IMMP2L: variants seen among roughly 807,000 people sequenced by gnomAD.
The protein encoded by IMMP2L is mitochondrial inner membrane protease subunit 2.
A neutral mutation model predicts 19.3 loss-of-function variants in IMMP2L; 18 were observed. The ratio of observed to expected loss-of-function variants is 0.93; its 90% CI spans 0.64 to 1.38. The LOEUF is 1.38. IMMP2L is among the 40% of genes most tolerant of loss of function. The pLI is 0.00. For synonymous variants in IMMP2L, 76 were observed against 73.0 expected, an observed-to-expected ratio of 1.04 and a Z score of -0.21; for missense variants, 233 against 218.2, an observed-to-expected ratio of 1.07 and a Z score of -0.43.
At chr7:111,007,382 C>G (rs1437687267) in intron 3 of IMMP2L, among the ~76,000 whole-genome samples, 5 of 152,080 alleles carry the variant, frequency 3.3e-5, no homozygotes, top group Non-Finnish European at 7.4e-5. Flanking sequence ...ACCATTCCAT[C>G]AGAATTGCTA....
At chr7:110,819,841 C>T (rs1802865865) in intron 5 of IMMP2L, among the ~76,000 whole-genome samples, 1 of 151,700 alleles carries the variant, frequency 6.6e-6, no homozygotes, top group Admixed American at 6.6e-5. Context: ...TATTGATTTC[C>T]ATGGTGTGTG....
At chr7:111,048,399 T>G (rs1792661614) in intron 3 of IMMP2L, among the ~76,000 whole-genome samples, 1 of 152,162 alleles carries the variant, frequency 6.6e-6, no homozygotes, top group Admixed American at 6.5e-5. Context: ...CTGGGCCTGC[T>G]TGGCTCGGTT....
intron 5 of IMMP2L, among the ~76,000 whole-genome samples, chr7:110,763,415 T>C (rs1296250632): frequency 1.3e-5 from 2 of 152,120 alleles, no homozygotes; most frequent in Admixed American, 6.6e-5. Flanking sequence ...AGCAAAGCCC[T>C]ACGGTGGGCA....
intron 3 of IMMP2L, among the ~76,000 whole-genome samples, chr7:111,137,602 T>A (rs2129596658): frequency 6.6e-6 from 1 of 152,232 alleles, no homozygotes; most frequent in African/African-American, 2.4e-5. Flanking sequence ...TAATTTGATT[T>A]GAGGAATAAA....
intron 3 of IMMP2L, chr7:111,392,128 T>C: frequency 1.6e-6 from 1 of 620,524 alleles, no homozygotes. Flanking sequence ...AAGGAGGACC[T>C]CAGACAACAA....
chr7:111,466,517 T>C (rs1840681970), intron 3 of IMMP2L, among the ~76,000 whole-genome samples: 1 of 152,134 alleles, frequency 6.6e-6, no homozygotes, highest in African/African-American at 2.4e-5. Context: ...AGCAGAAATA[T>C]ACCTCAGTTA....
chr7:111,354,003 T>C (rs1828446530), intron 3 of IMMP2L, among the ~76,000 whole-genome samples: 1 of 152,016 alleles, frequency 6.6e-6, no homozygotes, highest in African/African-American at 2.4e-5. Context: ...GACATATAAT[T>C]GAAGTGGTAA....
At chr7:111,448,975 C>G (rs1168198660) in intron 3 of IMMP2L, among the ~76,000 whole-genome samples, 1 of 149,984 alleles carries the variant, frequency 6.7e-6, no homozygotes, top group African/African-American at 2.5e-5. Flanking sequence ...TGGATACATT[C>G]CTCGACACAT....
Position 111,123,903 on chromosome 7 carries a change from T to C in IMMP2L, c.240-160338A>G, listed in dbSNP as rs143646592. 770 of 1,613,956 alleles carry C rather than the reference T, an allele frequency of 4.8e-4. 3 individuals are homozygous for C. The African/African-American group carries it at 8.7e-3, about 18-fold the overall frequency. On this transcript the variant is annotated intron_variant, in intron 3 of 5. Coordinates refer to ENST00000405709, the MANE Select transcript of IMMP2L (RefSeq NM_032549.4). This position sits in a 1 kb window ranked among gnomAD's most constrained non-coding sequence, Gnocchi z 6.4. ...CCATCAGGTGTGACTGTGTCATCCG[T>C]TGGATGAACATGAACAAAACCAACA...
At chr7:110,907,914 C>T (rs1812643325) in intron 4 of IMMP2L, among the ~76,000 whole-genome samples, 1 of 152,056 alleles carries the variant, frequency 6.6e-6, no homozygotes, top group South Asian at 2.1e-4. Flanking sequence ...CCAGGGTGAA[C>T]AGGTAGAAGT....
intron 3 of IMMP2L, among the ~76,000 whole-genome samples, chr7:111,060,444 T>C (rs1793916944): frequency 6.6e-6 from 1 of 152,198 alleles, no homozygotes; most frequent in South Asian, 2.1e-4. Flanking sequence ...CCCTTAGCAA[T>C]GCCTGCACAT....
intron 3 of IMMP2L, among the ~76,000 whole-genome samples, chr7:111,482,413 G>A (rs1174063781): frequency 1.3e-5 from 2 of 152,048 alleles, no homozygotes; most frequent in East Asian, 3.9e-4. Flanking sequence ...CTGAACACTG[G>A]CTCAATACAG....
Position 110,997,564 on chromosome 7 carries a change from T to C in IMMP2L, c.240-33999A>G, listed in dbSNP as rs1021165734. Among the ~76,000 whole-genome samples the C allele has an allele frequency of 5.8e-4, 88 of 152,162 alleles. 1 individual carries two copies. Among genetic ancestry groups the C allele is most frequent in the African/African-American group, 2.1e-3 (87 of 41,442 alleles). ...TATTTATTTTAGTAATTCTAATAGCTGTGTAGTGATATCTCATTGTTTTTA... is the reference window on the plus strand; with the variant it reads ...TATTTATTTTAGTAATTCTAATAGCCGTGTAGTGATATCTCATTGTTTTTA... On this transcript the variant is annotated intron_variant, in intron 3 of 5. Coordinates refer to ENST00000405709, the MANE Select transcript of IMMP2L (RefSeq NM_032549.4).
intron 3 of IMMP2L, among the ~76,000 whole-genome samples, chr7:111,098,712 C>T (rs1384318711): frequency 2.3e-4 from 35 of 151,706 alleles, no homozygotes; most frequent in Admixed American, 2.1e-3. Flanking sequence ...CTATGTTTAA[C>T]CCATTTTACC....
rs527661372 is a variant in IMMP2L, at chr7:110,863,988, C to T, written c.408+22605G>A. The stretch of plus-strand genomic sequence containing the variant: ...GAAGTAAGGATGCATAACATACTTA[C>T]AAAGCAAAGGAGTGTATAATAGAAA... On this transcript the variant is annotated intron_variant, in intron 5 of 5. Coordinates refer to ENST00000405709, the MANE Select transcript of IMMP2L (RefSeq NM_032549.4). Among the ~76,000 whole-genome samples the T allele has an allele frequency of 3.3e-5, 5 of 152,036 alleles. No individual in the cohort carries two copies. In the South Asian group the frequency reaches 8.3e-4, roughly 25 times the overall value.
At chr7:111,106,942 C>T (rs1798614493) in intron 3 of IMMP2L, among the ~76,000 whole-genome samples, 1 of 151,654 alleles carries the variant, frequency 6.6e-6, no homozygotes, top group Non-Finnish European at 1.5e-5. Context: ...AATAGCATTT[C>T]TAATATGTTA....
intron 1 of IMMP2L, 23 bp from the exon 2 acceptor site, chr7:111,521,472 T>C (rs368236961): frequency 7.0e-6 from 11 of 1,574,528 alleles, no homozygotes; most frequent in South Asian, 2.3e-5. Context: ...AGAAAACAAC[T>C]ATGAAATTAG....
At position 111,213,969 on chromosome 7, in the gene IMMP2L, A is replaced by G. The variant is rs1250008323; in HGVS notation, c.240-250404T>C. On this transcript the variant is annotated intron_variant, in intron 3 of 5. Transcript: ENST00000405709. This position sits in a 1 kb window ranked among gnomAD's most constrained non-coding sequence, Gnocchi z 4.8. ...CAAGTCACATGAATAGTGAAGAGCT[A>G]TAAGTATTCATACATTTCTAATGTA... Among the ~76,000 whole-genome samples the G allele has an allele frequency of 1.3e-5, 2 of 152,216 alleles. No homozygotes were observed. Among genetic ancestry groups the G allele is most frequent in the Admixed American group, 6.5e-5 (1 of 15,284 alleles).
intron 3 of IMMP2L, among the ~76,000 whole-genome samples, chr7:111,133,388 T>C (rs889205839): frequency 2.0e-4 from 30 of 152,142 alleles, no homozygotes; most frequent in African/African-American, 7.2e-4. Flanking sequence ...ACAATCTTTA[T>C]ACAATATCCC....
Sources: gnomAD v4.1 joint callset for allele counts (sites outside exome capture counted in the v4.1 genomes callset) on GRCh38, gnomAD v4.1.1 for gene constraint, Gnocchi (gnomAD v3.1) non-coding constraint, MANE v1.5 for transcripts, NCBI Gene and HGNC (gene_info 2026-07-23, HGNC 2026-07-21) for gene names.